Variants in GRIN2A observed in about 807,000 individuals in gnomAD.
GRIN2A encodes the protein glutamate ionotropic receptor NMDA type subunit 2A.
Under a neutral mutation model 113.4 loss-of-function variants are expected in GRIN2A, and 22 were observed. The observed-to-expected ratio is 0.19, with a 90% confidence interval of 0.14 to 0.28. The LOEUF (loss-of-function observed/expected upper bound fraction) is 0.28. GRIN2A is among the 10% of genes least tolerant of loss of function. GRIN2A has a pLI of 1.00. For missense variants in GRIN2A, 1,502 were observed against 1,887.0 expected, an observed-to-expected ratio of 0.80 and a Z score of 3.78; for synonymous variants, 827 against 738.4, an observed-to-expected ratio of 1.12 and a Z score of -1.94.
intron 2 of GRIN2A, among the ~76,000 whole-genome samples, chr16:10,062,148 T>C (rs572852673): frequency 2.4e-4 from 37 of 152,146 alleles, no homozygotes; most frequent in Non-Finnish European, 3.7e-4. Context: ...CTGATGTACA[T>C]ACCTTCTTTA....
intron 2 of GRIN2A, among the ~76,000 whole-genome samples, chr16:10,034,504 G>C (rs1249364289): frequency 8.9e-6 from 1 of 111,736 alleles, no homozygotes; most frequent in African/African-American, 3.5e-5. Context: ...CAGGCTGGAC[G>C]ATAAGAGTGA....
chr16:9,923,055 C>G (rs1326871427), intron 3 of GRIN2A, among the ~76,000 whole-genome samples: 1 of 152,072 alleles, frequency 6.6e-6, no homozygotes, highest in African/African-American at 2.4e-5. Context: ...CTCGTTCTAG[C>G]AATTATTAAG....
rs962869672 is a variant in GRIN2A at position 9,789,748 on chromosome 16, T to G, written c.2356+8529A>C. Among the ~76,000 whole-genome samples the G allele has an allele frequency of 3.9e-5, 6 of 152,338 alleles. No homozygotes were observed. In the East Asian group the frequency reaches 1.2e-3, roughly 29 times the overall value. On this transcript the variant is annotated intron_variant, in intron 11 of 12. Transcript: ENST00000330684. ...ATTATCATTCCTGGTTGTTGGGGTTTTAGAATTCTCTATTCATGCTAATGA... is the reference window on the plus strand; with the variant it reads ...ATTATCATTCCTGGTTGTTGGGGTTGTAGAATTCTCTATTCATGCTAATGA...
intron 4 of GRIN2A, among the ~76,000 whole-genome samples, chr16:9,866,746 G>A (rs770153107): frequency 3.3e-5 from 5 of 152,130 alleles, no homozygotes; most frequent in Non-Finnish European, 5.9e-5. Flanking sequence ...AAAACTGAAG[G>A]CCAGTTTTTT....
At chr16:9,786,195 T>C (rs1004818551) in intron 11 of GRIN2A, among the ~76,000 whole-genome samples, 2 of 152,202 alleles carry the variant, frequency 1.3e-5, no homozygotes, top group African/African-American at 4.8e-5. Context: ...GAACAAGCAA[T>C]TCCAGCAACC....
chr16:9,908,730 G>A (rs1406433974), intron 3 of GRIN2A, among the ~76,000 whole-genome samples: 3 of 152,244 alleles, frequency 2.0e-5, no homozygotes, highest in African/African-American at 7.2e-5. Context: ...CCAGGGCTGT[G>A]TGGGAGGAGA....
Position 10,180,106 on chromosome 16 carries a change from G to T in GRIN2A, c.306C>A (p.Asp102Glu), listed in dbSNP as rs200850130. ...GGGCTACGGCCTCCTGGTCCGTGTC[G>T]TCCCCAAACACGAGGCCGTGGATGC... ...GARIHGLVFG[D>E]DTDQEAVAQM... Residue 102 changes from aspartate to glutamate, a missense_variant, in exon 2 of 13, where the codon GAC becomes GAA. This residue lies in a region of GRIN2A where 149 missense variants were observed against 179.1 expected (regional missense o/e 0.83). Coordinates refer to ENST00000330684, the MANE Select transcript of GRIN2A (RefSeq NM_001134407.3). This position sits in a 1 kb window ranked among gnomAD's most constrained non-coding sequence, Gnocchi z 7.0. The T allele has an allele frequency of 6.2e-7, 1 of 1,614,182 alleles. No homozygotes were observed. The highest frequency in any genetic ancestry group is 1.7e-5 in the Admixed American group (1 of 60,026).
At chr16:10,149,360 A>G (rs1028362065) in intron 2 of GRIN2A, among the ~76,000 whole-genome samples, 1 of 152,226 alleles carries the variant, frequency 6.6e-6, no homozygotes, top group Non-Finnish European at 1.5e-5. Flanking sequence ...CCTACTATGT[A>G]TGCACAATAA....
chr16:9,889,765 A>G (rs527387603), intron 4 of GRIN2A, among the ~76,000 whole-genome samples: 3 of 152,274 alleles, frequency 2.0e-5, no homozygotes, highest in African/African-American at 7.2e-5. Flanking sequence ...TTTTCTAGAT[A>G]TATTTTTGTT....
At chr16:9,878,556 T>C (rs547396462) in intron 4 of GRIN2A, among the ~76,000 whole-genome samples, 25 of 152,274 alleles carry the variant, frequency 1.6e-4, no homozygotes, top group African/African-American at 5.5e-4. Context: ...CAGTGGGAAC[T>C]CAACTAATGG....
chr16:9,769,388 T>TTATATAC (rs1901119085), intron 11 of GRIN2A, among the ~76,000 whole-genome samples: 1 of 147,686 alleles, frequency 6.8e-6, no homozygotes, highest in Non-Finnish European at 1.5e-5. Flanking sequence ...ATATTATATA[T>TTATATAC]TATATACATA....
intron 2 of GRIN2A, among the ~76,000 whole-genome samples, chr16:10,042,179 A>G (rs2047177629): frequency 6.6e-6 from 1 of 152,020 alleles, no homozygotes; most frequent in African/African-American, 2.4e-5. Context: ...ATGTCTGCAA[A>G]TTTTTCAATA....
intron 9 of GRIN2A, among the ~76,000 whole-genome samples, chr16:9,825,302 C>G (rs183991093): frequency 6.6e-6 from 1 of 152,238 alleles, no homozygotes; most frequent in African/African-American, 2.4e-5. Context: ...TTTGAAAGAA[C>G]ACCTGGCATC....
chr16:10,059,431 G>C (rs1336804169), intron 2 of GRIN2A, among the ~76,000 whole-genome samples: 1 of 152,186 alleles, frequency 6.6e-6, no homozygotes, highest in Non-Finnish European at 1.5e-5. Context: ...AGGCATCTAC[G>C]GGTACAGAAT....
At chr16:9,914,485 C>T (rs1450674522) in intron 3 of GRIN2A, among the ~76,000 whole-genome samples, 1 of 152,228 alleles carries the variant, frequency 6.6e-6, no homozygotes, top group African/African-American at 2.4e-5. Context: ...AGTATCAGTT[C>T]TGGCTTCTGA....
chr16:9,865,188 C>T (rs575595232), intron 4 of GRIN2A, among the ~76,000 whole-genome samples: 1 of 152,272 alleles, frequency 6.6e-6, no homozygotes, highest in African/African-American at 2.4e-5. Context: ...CAGCTTTGCC[C>T]AGTTAAAAAC....
chr16:9,867,826 C>T (rs545887804), intron 4 of GRIN2A, among the ~76,000 whole-genome samples: 2 of 152,266 alleles, frequency 1.3e-5, no homozygotes, highest in Admixed American at 6.5e-5. Flanking sequence ...CATCCAGGCT[C>T]AGGCCTCGGC....
intron 3 of GRIN2A, among the ~76,000 whole-genome samples, chr16:9,905,654 T>A (rs955554552): frequency 1.3e-5 from 2 of 152,224 alleles, no homozygotes; most frequent in African/African-American, 4.8e-5. Context: ...GGCAGAGCGA[T>A]GTGCCTATGG....
chr16:10,126,983 C>G (rs1034477265), intron 2 of GRIN2A, among the ~76,000 whole-genome samples: 11 of 152,154 alleles, frequency 7.2e-5, no homozygotes, highest in African/African-American at 2.7e-4. Context: ...TTGGAGCTGC[C>G]CTAAGCCAGT....
Sources: allele counts gnomAD v4.1 joint callset (sites outside exome capture counted in the v4.1 genomes callset), GRCh38; gene constraint gnomAD v4.1.1; regional missense constraint gnomAD v4.1.1; non-coding constraint Gnocchi (gnomAD v3.1); transcripts MANE v1.5; gene names NCBI Gene and HGNC (gene_info 2026-07-23, HGNC 2026-07-21).